Variants in EYS observed in about 807,000 individuals in gnomAD.
EYS encodes protein eyes shut homolog.
Under a neutral mutation model 282.1 loss-of-function variants are expected in EYS, and 250 were observed. The ratio of observed to expected loss-of-function variants is 0.89; its 90% CI spans 0.80 to 0.98. The LOEUF is 0.98. EYS is among the 50% of genes least tolerant of loss of function. The pLI is 0.00. For missense variants in EYS, 4,016 were observed against 3,709.0 expected (o/e 1.08, Z -2.15); for synonymous variants, 1,355 against 1,282.9 (o/e 1.06, Z -1.20).
chr6:65,538,280 T>G (rs1478759985), intron 2 of EYS, among the ~76,000 whole-genome samples: 1 of 151,990 alleles, frequency 6.6e-6, no homozygotes, highest in Non-Finnish European at 1.5e-5. Context: ...AGAATAATAA[T>G]AAGGAAATAT....
chr6:64,094,758 T>C (rs975381055), intron 31 of EYS, among the ~76,000 whole-genome samples: 31 of 152,310 alleles, frequency 2.0e-4, no homozygotes, highest in African/African-American at 7.5e-4. Context: ...TCTCCTTCAG[T>C]TCTGCTCTGA....
chr6:64,396,186 T>C (rs890358246), intron 28 of EYS, among the ~76,000 whole-genome samples: 2 of 152,182 alleles, frequency 1.3e-5, no homozygotes, highest in Non-Finnish European at 2.9e-5. Flanking sequence ...TCAAGATATA[T>C]AGTCAGATAC....
intron 35 of EYS, among the ~76,000 whole-genome samples, chr6:63,953,469 T>A (rs548069367): frequency 6.6e-6 from 1 of 152,252 alleles, no homozygotes; most frequent in Non-Finnish European, 1.5e-5. Flanking sequence ...ATCTGTTACG[T>A]ATCTTGGCAT....
intron 30 of EYS, 84 bp from the exon 31 acceptor site, chr6:64,230,908 A>G: frequency 1.2e-6 from 1 of 814,744 alleles, no homozygotes; most frequent in South Asian, 2.0e-5. Context: ...ATTTGATTTA[A>G]TATAAGAGAA....
intron 28 of EYS, among the ~76,000 whole-genome samples, chr6:64,414,541 G>A (rs1162459083): frequency 6.6e-6 from 1 of 152,098 alleles, no homozygotes; most frequent in East Asian, 1.9e-4. Flanking sequence ...GAATAGCAAA[G>A]TGAAGTTTCA....
intron 22 of EYS, chr6:64,631,629 C>T (rs890424985): frequency 3.3e-5 from 5 of 152,000 alleles, no homozygotes; most frequent in African/African-American, 1.2e-4. Context: ...TTGGTCTTTT[C>T]CATGGGAGTT....
chr6:64,282,041 C>G (rs1486891442), intron 30 of EYS, among the ~76,000 whole-genome samples: 1 of 151,998 alleles, frequency 6.6e-6, no homozygotes, highest in South Asian at 2.1e-4. Context: ...GGTGGAGGCT[C>G]TAACTGAAAG....
chr6:63,871,435 C>T (rs550110452), intron 35 of EYS, among the ~76,000 whole-genome samples: 3 of 152,092 alleles, frequency 2.0e-5, no homozygotes, highest in South Asian at 2.1e-4. Context: ...CTGAGGTGGG[C>T]AGATCACTTG....
intron 22 of EYS, among the ~76,000 whole-genome samples, chr6:64,659,693 T>A (rs1768917962): frequency 6.6e-6 from 1 of 152,084 alleles, no homozygotes; most frequent in Admixed American, 6.6e-5. Flanking sequence ...CAGGAAGAAG[T>A]TGAATCTCTG....
At chr6:64,728,281 A>G (rs1771830033) in intron 22 of EYS, among the ~76,000 whole-genome samples, 1 of 152,168 alleles carries the variant, frequency 6.6e-6, no homozygotes, top group Non-Finnish European at 1.5e-5. Flanking sequence ...AAAAATGTAA[A>G]CTAATAAATA....
At chr6:64,369,276 ATGTGTC>A in intron 29 of EYS, among the ~76,000 whole-genome samples, 1 of 152,010 alleles carries the variant, frequency 6.6e-6, no homozygotes, top group African/African-American at 2.4e-5. Context: ...CCATTGTTCT[ATGTGTC>A]TATTTTTATA....
At chr6:65,688,248 G>A (rs986673852) in intron 1 of EYS, among the ~76,000 whole-genome samples, 1 of 152,056 alleles carries the variant, frequency 6.6e-6, no homozygotes, top group Non-Finnish European at 1.5e-5. Context: ...TAGACTAATG[G>A]AACAGAACAG....
intron 42 of EYS, among the ~76,000 whole-genome samples, chr6:63,722,115 CA>C (rs1302722800): frequency 1.3e-5 from 2 of 152,110 alleles, no homozygotes; most frequent in African/African-American, 4.8e-5. Flanking sequence ...CATTTAATGG[CA>C]TTCACTATTG....
At chr6:64,016,949 A>C (rs1394687752) in intron 33 of EYS, among the ~76,000 whole-genome samples, 1 of 152,014 alleles carries the variant, frequency 6.6e-6, no homozygotes, top group Non-Finnish European at 1.5e-5. Flanking sequence ...TGTTCTCTTA[A>C]GATGGAGGAC....
chr6:63,993,826 GC>G (rs1178226931), intron 34 of EYS, among the ~76,000 whole-genome samples: 2 of 151,944 alleles, frequency 1.3e-5, no homozygotes, highest in East Asian at 1.9e-4. Flanking sequence ...ACCAAAGGAT[GC>G]CAAATAGCCA....
At chr6:64,577,589 A>G (rs1409242065) in intron 26 of EYS, among the ~76,000 whole-genome samples, 1 of 152,072 alleles carries the variant, frequency 6.6e-6, no homozygotes, top group African/African-American at 2.4e-5. Flanking sequence ...TAAATATTAT[A>G]GTTAAGTAGA....
chr6:63,741,379 C>A (rs1340401749), intron 41 of EYS, among the ~76,000 whole-genome samples: 1 of 152,022 alleles, frequency 6.6e-6, no homozygotes, highest in Admixed American at 6.6e-5. Flanking sequence ...CAATGAAGTA[C>A]CATCTGATTT....
chr6:64,267,460 T>A (rs908103898), intron 30 of EYS, among the ~76,000 whole-genome samples: 1 of 152,104 alleles, frequency 6.6e-6, no homozygotes, highest in Non-Finnish European at 1.5e-5. Context: ...TTATCCGTGA[T>A]AGCTCCCTGT....
At position 63,991,586 on chromosome 6, in the gene EYS, C is replaced by T. The variant is rs570486585; in HGVS notation, c.6835-6983G>A. ...TTAAAAATTCATTACAGAATTTCAA[C>T]GGCAGGCTTGGTCAAGCAGAAGAAA... On this transcript the variant is annotated intron_variant, in intron 34 of 42. Coordinates refer to ENST00000503581, the MANE Select transcript of EYS (RefSeq NM_001142800.2). Among the ~76,000 whole-genome samples, 7 of 151,254 alleles carry T rather than the reference C, an allele frequency of 4.6e-5. No homozygotes were observed. The East Asian group carries it at 5.9e-4, about 13-fold the overall frequency.
Sources: allele counts gnomAD v4.1 joint callset (sites outside exome capture counted in the v4.1 genomes callset), GRCh38; gene constraint gnomAD v4.1.1; transcripts MANE v1.5; gene names NCBI Gene and HGNC (gene_info 2026-07-23, HGNC 2026-07-21).